PTPRN2: variants seen among roughly 807,000 people sequenced by gnomAD.
The protein encoded by PTPRN2 is protein tyrosine phosphatase receptor type N2, also known as receptor-type tyrosine-protein phosphatase N2.
A neutral mutation model predicts 118.8 loss-of-function variants in PTPRN2; 74 were observed. The ratio of observed to expected loss-of-function variants is 0.62; its 90% CI spans 0.52 to 0.76. PTPRN2 has a LOEUF of 0.76. Among genes scored for constraint, PTPRN2 ranks in the 30% least tolerant of loss-of-function variants. The pLI is 0.00. For missense variants in PTPRN2, 1,481 were observed against 1,394.4 expected, an observed-to-expected ratio of 1.06 and a Z score of -0.99; for synonymous variants, 641 against 608.0, an observed-to-expected ratio of 1.05 and a Z score of -0.80.
At chr7:158,057,385 C>T (rs1809871284) in intron 11 of PTPRN2, among the ~76,000 whole-genome samples, 1 of 152,226 alleles carries the variant, frequency 6.6e-6, no homozygotes, top group Non-Finnish European at 1.5e-5. Context: ...TTCCACGTTA[C>T]AGGCAGCAAA....
intron 12 of PTPRN2, among the ~76,000 whole-genome samples, chr7:157,752,870 C>T (rs1054203803): frequency 1.3e-5 from 2 of 152,266 alleles, no homozygotes; most frequent in Admixed American, 6.5e-5. Flanking sequence ...GACAGACCCT[C>T]GCAGCAGCCA....
chr7:158,145,069 C>T (rs1160649283), intron 6 of PTPRN2, among the ~76,000 whole-genome samples: 4 of 124,954 alleles, frequency 3.2e-5, no homozygotes, highest in East Asian at 2.0e-4. Context: ...CTCACATCAT[C>T]GCGAGAAGGT....
At chr7:158,007,202 C>T (rs1271149605) in intron 11 of PTPRN2, among the ~76,000 whole-genome samples, 2 of 152,180 alleles carry the variant, frequency 1.3e-5, no homozygotes, top group African/African-American at 4.8e-5. Context: ...CAAATACAGT[C>T]GCCTTATGCG....
At chr7:157,595,987 G>T (rs1465335354) in intron 16 of PTPRN2, among the ~76,000 whole-genome samples, 1 of 152,206 alleles carries the variant, frequency 6.6e-6, no homozygotes, top group Non-Finnish European at 1.5e-5. Flanking sequence ...GAGCTTTCCA[G>T]CCTGCAAGTG....
intron 12 of PTPRN2, among the ~76,000 whole-genome samples, chr7:157,833,160 T>C (rs561602147): frequency 2.5e-4 from 28 of 112,380 alleles, no homozygotes; most frequent in East Asian, 8.4e-4. Flanking sequence ...GTAAACTCGT[T>C]CAGGAAGTAT....
intron 14 of PTPRN2, among the ~76,000 whole-genome samples, chr7:157,626,491 G>A (rs1201469837): frequency 6.6e-6 from 1 of 152,032 alleles, no homozygotes; most frequent in Non-Finnish European, 1.5e-5. Flanking sequence ...CCAGGAGTCC[G>A]GTCAGGACAT....
intron 12 of PTPRN2, among the ~76,000 whole-genome samples, chr7:157,757,283 G>A (rs2150999253): frequency 6.6e-6 from 1 of 152,290 alleles, no homozygotes; most frequent in East Asian, 1.9e-4. Flanking sequence ...GGAACCCACA[G>A]CAGAAGTGGC....
chr7:158,054,010 T>C (rs1180994730), intron 11 of PTPRN2, among the ~76,000 whole-genome samples: 922 of 84,164 alleles, frequency 0.011, 7 homozygotes, highest in African/African-American at 0.025. Flanking sequence ...GCAGAGACCC[T>C]AGAGACGCAG....
Position 157,737,950 on chromosome 7 carries a change from G to A in PTPRN2, c.1789-55013C>T, listed in dbSNP as rs111928994. The stretch of plus-strand genomic sequence containing the variant: ...TGCAGCAGCAGGGACAGAGGCTCCC[G>A]GGAATGCCTGGGTCAGAAGAGAGGG... On this transcript the variant is annotated intron_variant, in intron 12 of 22. Coordinates refer to ENST00000389418, the MANE Select transcript of PTPRN2 (RefSeq NM_002847.5). Among the ~76,000 whole-genome samples, 516 of 152,326 alleles carry A rather than the reference G, an allele frequency of 3.4e-3. 3 individuals are homozygous for A. The highest frequency in any genetic ancestry group is 0.011 in the African/African-American group (471 of 41,570).
intron 11 of PTPRN2, among the ~76,000 whole-genome samples, chr7:158,052,646 C>T (rs1430711628): frequency 2.0e-5 from 3 of 151,650 alleles, no homozygotes; most frequent in Non-Finnish European, 4.4e-5. Flanking sequence ...TGGAGGGGTG[C>T]CCTTCGGACC....
chr7:157,813,919 G>A lies in PTPRN2; in HGVS notation c.1788+84754C>T, dbSNP rs111997093. ...CCCAGGTGATGCTGCTGGTGACCCC[G>A]GGGACCCCGCCGTGAGAGCCCCGAC... On this transcript the variant is annotated intron_variant, in intron 12 of 22. Coordinates refer to ENST00000389418, the MANE Select transcript of PTPRN2 (RefSeq NM_002847.5). The surrounding 1 kb of genome is among the most constrained non-coding windows in gnomAD (Gnocchi z 4.7). Among the ~76,000 whole-genome samples the A allele has an allele frequency of 5.5e-3, 844 of 152,360 alleles. 11 individuals are homozygous for A. The highest frequency in any genetic ancestry group is 0.019 in the African/African-American group (795 of 41,588).
intron 2 of PTPRN2, among the ~76,000 whole-genome samples, chr7:158,420,588 G>A (rs1222139862): frequency 6.6e-6 from 1 of 152,174 alleles, no homozygotes; most frequent in Non-Finnish European, 1.5e-5. Flanking sequence ...TCGTGCATAA[G>A]CAATCCCACC....
chr7:157,615,754 C>T lies in PTPRN2; in HGVS notation c.2344+5608G>A, dbSNP rs1480459379. 15 of 385,366 alleles carry T rather than the reference C, an allele frequency of 3.9e-5. No individual in the cohort carries two copies. Among genetic ancestry groups the T allele is most frequent in the East Asian group, 7.3e-5 (1 of 13,642 alleles). The allele number at this position is 385,366 out of a possible 1,614,324, so 23.9% of individuals were successfully genotyped here. The stretch of plus-strand genomic sequence containing the variant: ...GGAACCACAAGCTCTGGAGGCTGAA[C>T]GAGAATCGGTTACAGGAGATGAACA... On this transcript the variant is annotated intron_variant, in intron 15 of 22. Coordinates refer to ENST00000389418, the MANE Select transcript of PTPRN2 (RefSeq NM_002847.5). This position sits in a 1 kb window ranked among gnomAD's most constrained non-coding sequence, Gnocchi z 4.3.
chr7:157,965,325 C>A (rs546250488), intron 11 of PTPRN2, among the ~76,000 whole-genome samples: 8 of 152,278 alleles, frequency 5.3e-5, no homozygotes, highest in Non-Finnish European at 1.0e-4. Flanking sequence ...TGGAGCATAG[C>A]CCTTTCCTGA....
At chr7:158,520,249 T>C (rs1823883563) in intron 1 of PTPRN2, among the ~76,000 whole-genome samples, 2 of 152,190 alleles carry the variant, frequency 1.3e-5, no homozygotes, top group East Asian at 1.9e-4. Flanking sequence ...ACAAGGTGCA[T>C]TGGCAGCCTG....
rs1466703885 is a variant in PTPRN2 at position 158,438,502 on chromosome 7, C to G, written c.163+51233G>C. Among the ~76,000 whole-genome samples, 1 of 152,208 alleles carries G rather than the reference C, an allele frequency of 6.6e-6. No individual in the cohort carries two copies. The highest frequency in any genetic ancestry group is 6.5e-5 in the Admixed American group (1 of 15,282). On this transcript the variant is annotated intron_variant, in intron 2 of 22. Coordinates refer to ENST00000389418, the MANE Select transcript of PTPRN2 (RefSeq NM_002847.5). The surrounding 1 kb of genome is among the most constrained non-coding windows in gnomAD (Gnocchi z 4.7). ...AGGCTAATTAACAGGATCTTGGCCTCTCAAATCCCGGTTGCCTCCGCAGCT... is the reference window on the plus strand; with the variant it reads ...AGGCTAATTAACAGGATCTTGGCCTGTCAAATCCCGGTTGCCTCCGCAGCT...
At chr7:158,213,833 G>T (rs1175605263) in intron 3 of PTPRN2, among the ~76,000 whole-genome samples, 1 of 151,586 alleles carries the variant, frequency 6.6e-6, no homozygotes, top group African/African-American at 2.4e-5. Context: ...GAAAATCAAT[G>T]GCACAAAAAG....
intron 12 of PTPRN2, among the ~76,000 whole-genome samples, chr7:157,718,249 T>C (rs909727610): frequency 1.3e-5 from 2 of 152,272 alleles, no homozygotes; most frequent in African/African-American, 4.8e-5. Flanking sequence ...TATCAGCTAT[T>C]TCTGCAAATA....
At chr7:157,901,516 G>A (rs62478071) in intron 11 of PTPRN2, among the ~76,000 whole-genome samples, 1 of 152,252 alleles carries the variant, frequency 6.6e-6, no homozygotes, top group Non-Finnish European at 1.5e-5. Flanking sequence ...AAAATGGTGA[G>A]CTTTAGTATG....
Sources: allele counts gnomAD v4.1 joint callset (sites outside exome capture counted in the v4.1 genomes callset), GRCh38; gene constraint gnomAD v4.1.1; non-coding constraint Gnocchi (gnomAD v3.1); transcripts MANE v1.5; gene names NCBI Gene and HGNC (gene_info 2026-07-23, HGNC 2026-07-21).